TMEM214: variants seen among roughly 807,000 people sequenced by gnomAD.
TMEM214 encodes transmembrane protein 214.
In TMEM214, 71 loss-of-function variants were observed where a neutral mutation model predicts 89.8. The ratio of observed to expected loss-of-function variants is 0.79; its 90% CI spans 0.65 to 0.96. The LOEUF (loss-of-function observed/expected upper bound fraction) is 0.96. Ranked by LOEUF, TMEM214 falls within the 40% of genes least tolerant of loss-of-function variation. The probability of loss-of-function intolerance (pLI) is 0.00; values close to 1 mark genes in which losing one functional copy is unlikely to be tolerated. For synonymous variants in TMEM214, 332 were observed against 349.5 expected (o/e 0.95, Z 0.56); for missense variants, 754 against 843.4 (o/e 0.89, Z 1.31).
intron 2 of TMEM214, among the ~76,000 whole-genome samples, 173 bp from the exon 3 acceptor site, chr2:27,034,962 T>G (rs527352192): frequency 6.6e-6 from 1 of 152,346 alleles, no homozygotes; most frequent in South Asian, 2.1e-4. Context: ...CCTGTTCCAT[T>G]CTTAAAGATG....
chr2:27,040,140 C>T lies in TMEM214; in HGVS notation c.1733C>T (p.Ala578Val). 1 of 1,608,426 alleles carries T rather than the reference C, an allele frequency of 6.2e-7. No homozygotes were observed. Among genetic ancestry groups the T allele is most frequent in the Non-Finnish European group, 8.5e-7 (1 of 1,180,014 alleles). ...HTNATVSFLS[A>V]HCASHLAWFG... is the part of the protein sequence containing the mutation. ...AATGCCACAGTCAGCTTCCTTTCTG[C>T]CCACTGTGCCTCTCACCTTGCGTGG... Residue 578 changes from alanine (A) to valine (V), a missense_variant, in exon 15 of 17, where the codon GCC becomes GTC. Physicochemically the swap from Ala to Val is moderately conservative, Grantham distance 64 (BLOSUM62 0). Coordinates refer to ENST00000238788, the MANE Select transcript of TMEM214 (RefSeq NM_017727.5).
rs1028954756 is a variant in TMEM214, at chr2:27,041,226, T to C, written c.*389T>C. The C allele has an allele frequency of 5.9e-5, 11 of 186,982 alleles. No individual in the cohort carries two copies. The highest frequency in any genetic ancestry group is 1.1e-4 in the Non-Finnish European group (10 of 87,150). 11.6% of individuals were successfully genotyped at this position (186,982 alleles called of 1,614,324 possible). A position where few individuals can be genotyped will look rare whatever the true frequency, so the allele number is the denominator to read the frequency against. ...GTGGCTTCTGTGTTCTTCTGACAAA[T>C]GATTCCTGCTTCTCCAGACTTTAGC... On this transcript the variant is annotated 3_prime_UTR_variant, in exon 17 of 17. Coordinates refer to ENST00000238788, the MANE Select transcript of TMEM214 (RefSeq NM_017727.5).
In TMEM214 at chr2:27,041,197, G is replaced by A. The variant is rs1268495096; in HGVS notation, c.*360G>A. The stretch of plus-strand genomic sequence containing the variant: ...CATCTCTAAAAAGATAGAACTCCCA[G>A]CAGGTGGCTTCTGTGTTCTTCTGAC... On this transcript the variant is annotated 3_prime_UTR_variant, in exon 17 of 17. Transcript: ENST00000238788. The A allele has an allele frequency of 4.7e-6, 1 of 212,440 alleles. No individual in the cohort carries two copies. The highest frequency in any genetic ancestry group is 2.3e-5 in the African/African-American group (1 of 43,840). The allele number at this position is 212,440 out of a possible 1,614,324, so 13.2% of individuals were successfully genotyped here. A position where few individuals can be genotyped will look rare whatever the true frequency, so the allele number is the denominator to read the frequency against.
intron 4 of TMEM214, 68 bp from the exon 5 acceptor site, chr2:27,035,902 C>G: frequency 6.3e-7 from 1 of 1,593,458 alleles, no homozygotes; most frequent in South Asian, 1.1e-5. Flanking sequence ...TCACCGCTGA[C>G]AAATGGGAGA....
chr2:27,037,318 A>G (rs1447001092), intron 8 of TMEM214, 140 bp downstream of exon 8: 4 of 849,646 alleles, frequency 4.7e-6, no homozygotes, highest in Non-Finnish European at 7.7e-6. Flanking sequence ...TCAAGGGAAC[A>G]GTGACCCCTT....
rs768418920 is a variant in TMEM214, at chr2:27,037,548, C to T, written c.1011-13C>T. The T allele has an allele frequency of 2.5e-6, 4 of 1,614,104 alleles. No individual in the cohort carries two copies. In the East Asian group the frequency reaches 8.9e-5, roughly 36 times the overall value. ...TATAGCTTATGCCTGTCTTTCCTCC[C>T]CACCCCACCCAGCCTGCAGGAGCAG... On this transcript the variant is annotated splice_polypyrimidine_tract_variant and intron_variant, in intron 8 of 16. Transcript: ENST00000238788.
Position 27,037,430 on chromosome 2 carries a change from A to G in TMEM214, c.1011-131A>G. On this transcript the variant is annotated intron_variant, in intron 8 of 16. Coordinates refer to ENST00000238788, the MANE Select transcript of TMEM214 (RefSeq NM_017727.5). Reference sequence around the variant, plus strand: ...TTCCAAGGAGTCTCTGAGTAAAAAGATTCAGAGCCATTGCAAGGTCCTCAG... The same window carrying G: ...TTCCAAGGAGTCTCTGAGTAAAAAGGTTCAGAGCCATTGCAAGGTCCTCAG... 8 of 1,181,622 alleles carry G rather than the reference A, an allele frequency of 6.8e-6. No individual in the cohort carries two copies. The South Asian group carries it at 1.1e-4, about 17-fold the overall frequency. 73.2% of individuals were successfully genotyped at this position (1,181,622 alleles called of 1,614,324 possible). A position where few individuals can be genotyped will look rare whatever the true frequency, so the allele number is the denominator to read the frequency against.
chr2:27,033,386 C>T (rs886395998), intron 1 of TMEM214, among the ~76,000 whole-genome samples: 9 of 152,160 alleles, frequency 5.9e-5, no homozygotes, highest in African/African-American at 1.4e-4. Flanking sequence ...GATACCTTGG[C>T]CAGGGTCATG....
Position 27,038,961 on chromosome 2 carries a change from C to T in TMEM214, c.1408-86C>T, listed in dbSNP as rs1667695705. Reference sequence around the variant, plus strand: ...ATAATGTGAAGGCTTGACGCTCTTTCGGGAAGGCCTGGCTTGAGGTCTGCC... The same window carrying T: ...ATAATGTGAAGGCTTGACGCTCTTTTGGGAAGGCCTGGCTTGAGGTCTGCC... On this transcript the variant is annotated intron_variant, in intron 12 of 16. Transcript: ENST00000238788. The surrounding 1 kb of genome is among the most constrained non-coding windows in gnomAD (Gnocchi z 4.4). The T allele has an allele frequency of 4.0e-6, 6 of 1,505,258 alleles. No individual in the cohort carries two copies. Among genetic ancestry groups the T allele is most frequent in the Admixed American group, 1.7e-5 (1 of 59,578 alleles). 93.2% of individuals were successfully genotyped at this position (1,505,258 alleles called of 1,614,324 possible).
rs1026071177 is a variant in TMEM214 at position 27,040,161 on chromosome 2, C to T, written c.1754C>T (p.Ala585Val). 21 of 1,606,916 alleles carry T rather than the reference C, an allele frequency of 1.3e-5. No homozygotes were observed. Among genetic ancestry groups the T allele is most frequent in the Non-Finnish European group, 1.5e-5 (18 of 1,180,000 alleles). The change falls in exon 15 of 17, where the codon GCG becomes GTG. Residue 585 changes from alanine to valine, a missense_variant. By Grantham distance (64) the Ala-to-Val change is moderately conservative. Coordinates refer to ENST00000238788, the MANE Select transcript of TMEM214 (RefSeq NM_017727.5). ...FLSAHCASHLAWFGDSLTSLS... is the reference protein window; with the variant it reads ...FLSAHCASHLVWFGDSLTSLS... ...TCTGCCCACTGTGCCTCTCACCTTG[C>T]GTGGTTTGGTGACAGTCTCACCAGT...
chr2:27,039,201 G>A, intron 13 of TMEM214, 37 bp downstream of exon 13: 2 of 1,579,120 alleles, frequency 1.3e-6, no homozygotes, highest in Non-Finnish European at 1.7e-6. Flanking sequence ...GATGGTGTGG[G>A]CGGGGCACAG....
At chr2:27,034,599 C>CTT in intron 2 of TMEM214, 3 of 224,272 alleles carry the variant, frequency 1.3e-5, no homozygotes, top group South Asian at 1.1e-4. Context: ...CTCTGTTTTC[C>CTT]TCTTTTTTTT....
chr2:27,040,854 C>A lies in TMEM214; in HGVS notation c.*17C>A, dbSNP rs1206436193. The A allele has an allele frequency of 6.2e-7, 1 of 1,610,616 alleles. No individual in the cohort carries two copies. Among genetic ancestry groups the A allele is most frequent in the African/African-American group, 1.3e-5 (1 of 74,884 alleles). On this transcript the variant is annotated 3_prime_UTR_variant, in exon 17 of 17. Coordinates refer to ENST00000238788, the MANE Select transcript of TMEM214 (RefSeq NM_017727.5). ...CAGCAGTAGGCCCTGCCTTCCTGGC[C>A]ACTGATTTCTGCATGGGTAGACCAT...
In TMEM214 at chr2:27,038,948, C is replaced by A; in HGVS notation, c.1408-99C>A. 6.8e-7 allele frequency: 1 copy of A among 1,474,446 alleles called. No homozygotes were observed. Among genetic ancestry groups the A allele is most frequent in the Non-Finnish European group, 9.4e-7 (1 of 1,059,812 alleles). The allele number at this position is 1,474,446 out of a possible 1,614,324, so 91.3% of individuals were successfully genotyped here. A position where few individuals can be genotyped will look rare whatever the true frequency, so the allele number is the denominator to read the frequency against. On this transcript the variant is annotated intron_variant, in intron 12 of 16. Transcript: ENST00000238788. The surrounding 1 kb of genome is among the most constrained non-coding windows in gnomAD (Gnocchi z 4.4). Reference sequence around the variant, plus strand: ...CGCTGCCTCCAGGATAATGTGAAGGCTTGACGCTCTTTCGGGAAGGCCTGG... The same window carrying A: ...CGCTGCCTCCAGGATAATGTGAAGGATTGACGCTCTTTCGGGAAGGCCTGG...
In TMEM214 at chr2:27,039,356, G is replaced by T. The variant is rs1450447044; in HGVS notation, c.1525+192G>T. 4 of 603,758 alleles carry T rather than the reference G, an allele frequency of 6.6e-6. No individual in the cohort carries two copies. The East Asian group carries it at 8.3e-5, about 12-fold the overall frequency. The allele number at this position is 603,758 out of a possible 1,614,324, so 37.4% of individuals were successfully genotyped here. A position where few individuals can be genotyped will look rare whatever the true frequency, so the allele number is the denominator to read the frequency against. Reference sequence around the variant, plus strand: ...CCATTTCAGATTGGACTAGGACTTCGCAGTATAGAAGTGCTTGCATATTCA... The same window carrying T: ...CCATTTCAGATTGGACTAGGACTTCTCAGTATAGAAGTGCTTGCATATTCA... On this transcript the variant is annotated intron_variant, in intron 13 of 16. Coordinates refer to ENST00000238788, the MANE Select transcript of TMEM214 (RefSeq NM_017727.5).
Position 27,035,115 on chromosome 2 carries a change from T to C in TMEM214, c.352-20T>C. 1 of 1,612,908 alleles carries C rather than the reference T, an allele frequency of 6.2e-7. No homozygotes were observed. ...CTCACAACTCGCCATGGTGGGGGGT[T>C]GGGGGATTGTCCCTGGCAGCTGGAT... On this transcript the variant is annotated intron_variant, in intron 2 of 16. Coordinates refer to ENST00000238788, the MANE Select transcript of TMEM214 (RefSeq NM_017727.5).
chr2:27,035,108 G>A (rs371640326), intron 2 of TMEM214, 27 bp from the exon 3 acceptor site: 3 of 1,611,538 alleles, frequency 1.9e-6, no homozygotes, highest in Non-Finnish European at 2.5e-6. Flanking sequence ...TCGCCATGGT[G>A]GGGGGTTGGG....
chr2:27,039,673 T>A, intron 13 of TMEM214, 68 bp from the exon 14 acceptor site: 3 of 1,345,662 alleles, frequency 2.2e-6, no homozygotes, highest in Non-Finnish European at 3.2e-6. Context: ...CTCTGGGCCC[T>A]GTAGTGTCTG....
intron 5 of TMEM214, 30 bp from the exon 6 acceptor site, chr2:27,036,457 C>A: frequency 6.3e-7 from 1 of 1,582,292 alleles, no homozygotes; most frequent in Non-Finnish European, 8.7e-7. Context: ...TTGTCCTATC[C>A]CAATCTGCCT....
Sources: allele counts gnomAD v4.1 joint callset (sites outside exome capture counted in the v4.1 genomes callset), GRCh38; gene constraint gnomAD v4.1.1; non-coding constraint Gnocchi (gnomAD v3.1); transcripts MANE v1.5; gene names NCBI Gene and HGNC (gene_info 2026-07-23, HGNC 2026-07-21).